TLN2: variants seen among roughly 807,000 people sequenced by gnomAD.
The protein encoded by TLN2 is talin-2.
In TLN2, 118 loss-of-function variants were observed where a neutral mutation model predicts 294.7. The ratio of observed to expected loss-of-function variants is 0.40; its 90% CI spans 0.34 to 0.47. TLN2 has a LOEUF of 0.47. Among genes scored for constraint, TLN2 ranks in the 20% least tolerant of loss-of-function variants. The pLI, the probability that TLN2 is intolerant of heterozygous loss-of-function variation, is 0.84. For missense variants in TLN2, 3,083 were observed against 3,282.2 expected (o/e 0.94, Z 1.48); for synonymous variants, 1,431 against 1,304.5 (o/e 1.10, Z -2.09).
At chr15:62,775,338 G>A (rs1415878443) in intron 42 of TLN2, among the ~76,000 whole-genome samples, 1 of 152,080 alleles carries the variant, frequency 6.6e-6, no homozygotes, top group Non-Finnish European at 1.5e-5. Flanking sequence ...TGGAGAGTAG[G>A]TCCAAGAGGT....
At position 62,774,953 on chromosome 15, in the gene TLN2, C is replaced by CTTT. The variant is rs36003657; in HGVS notation, c.5368-1792_5368-1790dup. Among the ~76,000 whole-genome samples, 158 of 101,462 alleles carry CTTT rather than the reference C, an allele frequency of 1.6e-3. 6 individuals carry two copies. Among genetic ancestry groups the CTTT allele is most frequent in the Non-Finnish European group, 2.2e-3 (111 of 50,164 alleles). The allele number at this position is 101,462 out of a possible 152,430, so 66.6% of individuals were successfully genotyped here. ...TCATATGAATGTGTAGAATTGCTGG[C>CTTT]TTTTTTTTTTTTTTTTTTTTTGAGA... On this transcript the variant is annotated intron_variant, in intron 42 of 58. Transcript: ENST00000636159.
chr15:62,820,673 A>T, intron 54 of TLN2, 63 bp downstream of exon 54: 1 of 1,577,486 alleles, frequency 6.3e-7, no homozygotes, highest in Non-Finnish European at 8.6e-7. Flanking sequence ...GTGGCTGTGA[A>T]ATGGAGCTAG....
At chr15:62,421,572 G>T (rs1342078006) in intron 1 of TLN2, among the ~76,000 whole-genome samples, 1 of 151,354 alleles carries the variant, frequency 6.6e-6, no homozygotes, top group Non-Finnish European at 1.5e-5. Flanking sequence ...ACTAATGCAG[G>T]AACAGAAAAC....
intron 7 of TLN2, among the ~76,000 whole-genome samples, chr15:62,653,681 C>T (rs550204499): frequency 3.3e-5 from 5 of 151,294 alleles, no homozygotes; most frequent in African/African-American, 7.3e-5. Flanking sequence ...GAGCTGAGGT[C>T]GCACCATTGC....
chr15:62,496,304 T>A (rs1472896513), intron 1 of TLN2, among the ~76,000 whole-genome samples: 2 of 152,234 alleles, frequency 1.3e-5, no homozygotes, highest in African/African-American at 4.8e-5. Flanking sequence ...AAAGGCCTAC[T>A]TGAATGTAGT....
At chr15:62,557,335 G>A (rs998378365) in intron 1 of TLN2, among the ~76,000 whole-genome samples, 4 of 152,180 alleles carry the variant, frequency 2.6e-5, no homozygotes, top group Non-Finnish European at 5.9e-5. Flanking sequence ...GATCCAGAGG[G>A]TCTTTGGAGG....
chr15:62,467,221 G>A (rs441927), intron 1 of TLN2, among the ~76,000 whole-genome samples: 22,931 of 152,130 alleles, frequency 0.15, 1,733 homozygotes, highest in Middle Eastern at 0.23. Flanking sequence ...TTTTGGTCAG[G>A]TCACCAAACA....
At chr15:62,660,246 G>A (rs935494033) in intron 9 of TLN2, among the ~76,000 whole-genome samples, 3 of 152,060 alleles carry the variant, frequency 2.0e-5, no homozygotes, top group African/African-American at 2.4e-5. Context: ...TATGAGATTC[G>A]CTTCGAACTT....
At chr15:62,522,926 G>C (rs942028067) in intron 1 of TLN2, among the ~76,000 whole-genome samples, 1 of 148,582 alleles carries the variant, frequency 6.7e-6, no homozygotes, top group African/African-American at 2.5e-5. Flanking sequence ...TGAGTGGTCT[G>C]CCCTGAATGT....
chr15:62,765,386 ACT>A (rs1054064823), intron 40 of TLN2, among the ~76,000 whole-genome samples: 7 of 150,170 alleles, frequency 4.7e-5, no homozygotes, highest in African/African-American at 1.7e-4. Context: ...TTTTGAGGAC[ACT>A]CTGCCCGCAT....
chr15:62,398,368 C>G (rs1566941618), intron 1 of TLN2, among the ~76,000 whole-genome samples: 1 of 152,056 alleles, frequency 6.6e-6, no homozygotes, highest in Non-Finnish European at 1.5e-5. Context: ...TGAATTGTGA[C>G]TCAATTAAAC....
At chr15:62,409,088 C>T (rs2033609566) in intron 1 of TLN2, among the ~76,000 whole-genome samples, 1 of 152,038 alleles carries the variant, frequency 6.6e-6, no homozygotes, top group South Asian at 2.1e-4. Flanking sequence ...AGCGACTCTC[C>T]TGCTTCAGCC....
In TLN2 at chr15:62,780,078, G is replaced by A. The variant is rs377664788; in HGVS notation, c.5515-1062G>A. Among the ~76,000 whole-genome samples the A allele has an allele frequency of 3.5e-4, 53 of 152,258 alleles. No homozygotes were observed. In the South Asian group the frequency reaches 8.9e-3, roughly 26 times the overall value. The stretch of plus-strand genomic sequence containing the variant: ...GCTTACCCCAGATCCCACTGTTGTC[G>A]TCATGATTTCAAGGTTTTCCATAAA... On this transcript the variant is annotated intron_variant, in intron 43 of 58. Transcript: ENST00000636159.
At chr15:62,758,177 C>G (rs565887702) in intron 37 of TLN2, among the ~76,000 whole-genome samples, 1 of 152,200 alleles carries the variant, frequency 6.6e-6, no homozygotes, top group East Asian at 1.9e-4. Flanking sequence ...GGGGAGCCAC[C>G]AAGAGAAGCA....
intron 1 of TLN2, among the ~76,000 whole-genome samples, chr15:62,497,299 C>T (rs1203653530): frequency 1.3e-5 from 2 of 152,126 alleles, no homozygotes; most frequent in Non-Finnish European, 2.9e-5. Flanking sequence ...ATATCTGGGG[C>T]AGCATGTGAG....
chr15:62,628,481 A>G (rs144165486), intron 3 of TLN2, among the ~76,000 whole-genome samples: 207 of 152,398 alleles, frequency 1.4e-3, no homozygotes, highest in Middle Eastern at 6.8e-3. Flanking sequence ...AAGTGGAATT[A>G]TTGTAAACAT....
At chr15:62,412,567 G>A (rs1438710842) in intron 1 of TLN2, among the ~76,000 whole-genome samples, 2 of 152,200 alleles carry the variant, frequency 1.3e-5, no homozygotes, top group East Asian at 3.8e-4. Context: ...ACTCTGTCAG[G>A]ACACCTTCTT....
intron 1 of TLN2, among the ~76,000 whole-genome samples, chr15:62,422,560 CAG>C (rs1201434968): frequency 6.6e-6 from 1 of 152,196 alleles, no homozygotes; most frequent in Non-Finnish European, 1.5e-5. Context: ...CAGACCAAGA[CAG>C]AGTTGAGAGG....
At chr15:62,441,252 G>C (rs1392120311) in intron 1 of TLN2, among the ~76,000 whole-genome samples, 1 of 152,156 alleles carries the variant, frequency 6.6e-6, no homozygotes, top group African/African-American at 2.4e-5. Flanking sequence ...ATATTTTTGA[G>C]ACACCGTCTT....
Sources: gnomAD v4.1 joint callset for allele counts (sites outside exome capture counted in the v4.1 genomes callset) on GRCh38, gnomAD v4.1.1 for gene constraint, MANE v1.5 for transcripts, NCBI Gene and HGNC (gene_info 2026-07-23, HGNC 2026-07-21) for gene names.